The following RBFOX2 variants were observed in gnomAD, a reference collection of about 807,000 sequenced individuals.
RBFOX2 encodes the protein RNA binding fox-1 homolog 2.
In RBFOX2, 10 loss-of-function variants were observed where a neutral mutation model predicts 49.1. The ratio of observed to expected loss-of-function variants is 0.20; its 90% confidence interval spans 0.13 to 0.35. The LOEUF (loss-of-function observed/expected upper bound fraction) is 0.35, where lower values mean the gene tolerates loss of function less well. Ranked by LOEUF, RBFOX2 falls within the 10% of genes least tolerant of loss-of-function variation. The probability of loss-of-function intolerance (pLI) is 1.00; values close to 1 mark genes in which losing one functional copy is unlikely to be tolerated. For synonymous variants in RBFOX2, 183 were observed against 187.4 expected (o/e 0.98, Z 0.19); for missense variants, 323 against 486.9 (o/e 0.66, Z 3.17).
intron 2 of RBFOX2, among the ~76,000 whole-genome samples, chr22:35,792,436 T>G (rs1233837046): frequency 6.6e-6 from 1 of 152,010 alleles, no homozygotes; most frequent in Non-Finnish European, 1.5e-5. Flanking sequence ...AATCAAAATT[T>G]GCACAAAAGT....
intron 1 of RBFOX2, among the ~76,000 whole-genome samples, chr22:36,019,147 C>G (rs1049285924): frequency 3.9e-5 from 6 of 152,212 alleles, no homozygotes; most frequent in African/African-American, 1.4e-4. Flanking sequence ...GCCAGTGAAT[C>G]TGTCACCCAC....
upstream of RBFOX2, chr22:35,840,631 CGTGTGT>C (rs150747166): frequency 4.3e-4 from 430 of 1,006,154 alleles, no homozygotes; most frequent in African/African-American, 4.1e-3. Context: ...TGCGTGTGTG[CGTGTGT>C]GTGTGTGTGT....
intron 4 of RBFOX2, among the ~76,000 whole-genome samples, chr22:35,770,100 A>T (rs966140389): frequency 2.6e-5 from 4 of 152,210 alleles, no homozygotes; most frequent in African/African-American, 9.6e-5. Flanking sequence ...CTTTGACACC[A>T]CAAGGTATAA....
At chr22:35,910,861 T>C (rs1394591718) in intron 1 of RBFOX2, among the ~76,000 whole-genome samples, 1 of 152,086 alleles carries the variant, frequency 6.6e-6, no homozygotes, top group Non-Finnish European at 1.5e-5. Flanking sequence ...AGCATCAAAA[T>C]GTTCCTTAAA....
At chr22:35,904,643 T>C (rs969253570) in intron 1 of RBFOX2, among the ~76,000 whole-genome samples, 2 of 152,170 alleles carry the variant, frequency 1.3e-5, no homozygotes, top group African/African-American at 4.8e-5. Context: ...AATTTAATCA[T>C]TTACTTTAAG....
chr22:35,975,341 C>T (rs187048797), intron 1 of RBFOX2, among the ~76,000 whole-genome samples: 2 of 152,302 alleles, frequency 1.3e-5, no homozygotes, highest in Admixed American at 1.3e-4. Flanking sequence ...GGGATTAACA[C>T]AGCTCACTTA....
rs551458954 is a variant in RBFOX2, at chr22:35,802,385, A to G, written c.252+7395T>C. ...TTCCTCAAAAGGAAATGACAGTAAG[A>G]AAGTTGGACAAAGTTGTCAAAAACA... is the stretch of plus-strand genomic sequence containing the variant. On this transcript the variant is annotated intron_variant, in intron 2 of 11. Coordinates refer to ENST00000405409, the Ensembl canonical transcript of RBFOX2. Among the ~76,000 whole-genome samples the G allele has an allele frequency of 8.5e-5, 13 of 152,342 alleles. No homozygotes were observed. The South Asian group carries it at 2.5e-3, about 29-fold the overall frequency.
At chr22:36,008,990 C>A (rs1603465926) in intron 1 of RBFOX2, among the ~76,000 whole-genome samples, 1 of 152,136 alleles carries the variant, frequency 6.6e-6, no homozygotes, top group Non-Finnish European at 1.5e-5. Flanking sequence ...AAACTTCTCA[C>A]ATCAATATTC....
At chr22:36,001,332 A>G (rs2058417059) in intron 1 of RBFOX2, among the ~76,000 whole-genome samples, 1 of 152,166 alleles carries the variant, frequency 6.6e-6, no homozygotes, top group Non-Finnish European at 1.5e-5. Flanking sequence ...AATGACAAAC[A>G]CTACTTTCAT....
intron 1 of RBFOX2, among the ~76,000 whole-genome samples, chr22:35,847,911 C>G: frequency 6.6e-6 from 1 of 152,060 alleles, no homozygotes. Context: ...CTGCAAAAGA[C>G]TTTCATCAAA....
At chr22:35,909,447 TG>T (rs899048458) in intron 1 of RBFOX2, among the ~76,000 whole-genome samples, 1 of 152,160 alleles carries the variant, frequency 6.6e-6, no homozygotes, top group African/African-American at 2.4e-5. Context: ...CAGATACACC[TG>T]AAATATGTAA....
chr22:36,012,032 CTGAT>C, intron 1 of RBFOX2, among the ~76,000 whole-genome samples: 1 of 152,226 alleles, frequency 6.6e-6, no homozygotes, highest in East Asian at 1.9e-4. Context: ...TATCAATCCA[CTGAT>C]TGATCTGTTG....
At position 35,936,405 on chromosome 22, in the gene RBFOX2, G is replaced by A. The variant is rs548910844; in HGVS notation, c.-34+2442C>T. ...GACTGTTCAGCGACCAGTGTTTCAC[G>A]CTGATAAATGCCTCCCAAATCTCAA... is the stretch of plus-strand genomic sequence containing the variant. On this transcript the variant is annotated intron_variant, in intron 1 of 13. Coordinates refer to the RBFOX2 transcript ENST00000359369. Among the ~76,000 whole-genome samples, 6 of 152,200 alleles carry A rather than the reference G, an allele frequency of 3.9e-5. No homozygotes were observed. In the East Asian group the frequency reaches 5.8e-4, roughly 15 times the overall value.
At chr22:35,813,395 TA>T (rs996154652) in intron 1 of RBFOX2, among the ~76,000 whole-genome samples, 1 of 152,232 alleles carries the variant, frequency 6.6e-6, no homozygotes, top group Non-Finnish European at 1.5e-5. Context: ...TATACTTATA[TA>T]AAAATGTTTT....
intron 1 of RBFOX2, among the ~76,000 whole-genome samples, chr22:35,885,923 C>T (rs2046514883): frequency 8.0e-6 from 1 of 124,806 alleles, no homozygotes; most frequent in African/African-American, 3.1e-5. Context: ...GTGGCACGAT[C>T]TGGGCTCACT....
At chr22:35,811,419 A>T (rs989279678) in intron 1 of RBFOX2, among the ~76,000 whole-genome samples, 1 of 152,220 alleles carries the variant, frequency 6.6e-6, no homozygotes, top group Non-Finnish European at 1.5e-5. Flanking sequence ...ATACAGACAC[A>T]TACAGAGGGA....
intron 1 of RBFOX2, among the ~76,000 whole-genome samples, chr22:35,873,733 G>A (rs1464983375): frequency 6.6e-6 from 1 of 152,148 alleles, no homozygotes; most frequent in African/African-American, 2.4e-5. Context: ...TTGGAGTACA[G>A]TGGCAGGATC....
intron 1 of RBFOX2, among the ~76,000 whole-genome samples, chr22:35,890,372 G>C (rs773775196): frequency 6.6e-6 from 1 of 152,058 alleles, no homozygotes; most frequent in Non-Finnish European, 1.5e-5. Flanking sequence ...TATATACTAC[G>C]ATTAAGTTTA....
At chr22:35,780,338 T>C (rs1347776351) in intron 3 of RBFOX2, among the ~76,000 whole-genome samples, 1 of 149,744 alleles carries the variant, frequency 6.7e-6, no homozygotes, top group African/African-American at 2.5e-5. Context: ...GCAGCTATCC[T>C]AGTGGAATTT....
Sources: gnomAD v4.1 joint callset for allele counts (sites outside exome capture counted in the v4.1 genomes callset) on GRCh38, gnomAD v4.1.1 for gene constraint, MANE v1.5 for transcripts, NCBI Gene and HGNC (gene_info 2026-07-23, HGNC 2026-07-21) for gene names.